Variants in VPS33A observed in about 807,000 individuals in gnomAD.
VPS33A encodes the protein vacuolar protein sorting-associated protein 33A.
VPS33A carries 32 observed loss-of-function variants against 71.8 expected under a neutral mutation model. The observed-to-expected ratio is 0.45, with a 90% CI of 0.34 to 0.60. The LOEUF (loss-of-function observed/expected upper bound fraction) is 0.60, where lower values mean the gene tolerates loss of function less well. Among genes scored for constraint, VPS33A ranks in the 20% least tolerant of loss-of-function variants. The pLI is 0.02. For missense variants in VPS33A, 625 were observed against 748.5 expected, an observed-to-expected ratio of 0.84 and a Z score of 1.92; for synonymous variants, 311 against 292.7, an observed-to-expected ratio of 1.06 and a Z score of -0.64.
chr12:122,259,268 G>A (rs1489853363), intron 4 of VPS33A, among the ~76,000 whole-genome samples: 1 of 151,962 alleles, frequency 6.6e-6, no homozygotes, highest in African/African-American at 2.4e-5. Context: ...TGCCCAGGCT[G>A]GAGTGCAATG....
At chr12:122,246,318 A>C (rs2136134141) in intron 6 of VPS33A, among the ~76,000 whole-genome samples, 1 of 152,056 alleles carries the variant, frequency 6.6e-6, no homozygotes, top group South Asian at 2.1e-4. Context: ...TTATTTATTT[A>C]AGAGGGAGTC....
intron 3 of VPS33A, among the ~76,000 whole-genome samples, chr12:122,261,710 T>C: frequency 6.6e-6 from 1 of 151,572 alleles, no homozygotes; most frequent in South Asian, 2.1e-4. Context: ...CTCTATAAAA[T>C]ATACAAAAAT....
chr12:122,266,099 G>C (rs1015480843), intron 1 of VPS33A, among the ~76,000 whole-genome samples: 1 of 152,156 alleles, frequency 6.6e-6, no homozygotes, highest in Non-Finnish European at 1.5e-5. Flanking sequence ...AAACAGTCGC[G>C]GTGCCACTCC....
chr12:122,244,269 C>T (rs1297170150), intron 7 of VPS33A, among the ~76,000 whole-genome samples: 1 of 152,134 alleles, frequency 6.6e-6, no homozygotes, highest in Non-Finnish European at 1.5e-5. Flanking sequence ...TCCTCTTAGG[C>T]AAGGTAGGAA....
intron 6 of VPS33A, among the ~76,000 whole-genome samples, chr12:122,245,999 T>C (rs1323488509): frequency 6.6e-6 from 1 of 152,188 alleles, no homozygotes; most frequent in Non-Finnish European, 1.5e-5. Context: ...AGCCTTAATC[T>C]CCTTCTCCCT....
In VPS33A at chr12:122,232,066, A is replaced by G. The variant is rs1008747289; in HGVS notation, c.*180T>C. 19 of 603,710 alleles carry G rather than the reference A, an allele frequency of 3.1e-5. No individual in the cohort carries two copies. Among genetic ancestry groups the G allele is most frequent in the Non-Finnish European group, 4.5e-5 (17 of 377,728 alleles). The allele number at this position is 603,710 out of a possible 1,614,324, so 37.4% of individuals were successfully genotyped here. ...AGCAAGACTCCGTCTCAAAGGAAAA[A>G]AAAAAAGGGAATACAAAAGAGACGG... On this transcript the variant is annotated 3_prime_UTR_variant, in exon 13 of 13. Transcript: ENST00000267199.
At position 122,266,460 on chromosome 12, in the gene VPS33A, A is replaced by T; in HGVS notation, c.-52T>A. The T allele has an allele frequency of 6.3e-7, 1 of 1,582,176 alleles. No homozygotes were observed. The highest frequency in any genetic ancestry group is 8.6e-7 in the Non-Finnish European group (1 of 1,157,586). On this transcript the variant is annotated 5_prime_UTR_variant, in exon 1 of 13. Transcript: ENST00000267199. ...ACGCCAACCGAGTCCGCCGGTTCCT[A>T]CGGGAGGACCACGGACGCAGTCACG... is the stretch of plus-strand genomic sequence containing the variant.
At chr12:122,249,760 CG>C (rs1954819837) in intron 6 of VPS33A, 110 bp downstream of exon 6, 16 of 1,081,118 alleles carry the variant, frequency 1.5e-5, no homozygotes, top group Non-Finnish European at 2.1e-5. Flanking sequence ...TCATTAAAAT[CG>C]GATCTCTGAC....
chr12:122,265,783 C>G, intron 1 of VPS33A: 2 of 444,378 alleles, frequency 4.5e-6, no homozygotes, highest in South Asian at 3.1e-5. Flanking sequence ...AATCTCTGAT[C>G]TAGTTCCTGA....
intron 4 of VPS33A, among the ~76,000 whole-genome samples, chr12:122,258,859 T>TA (rs966990650): frequency 6.6e-6 from 1 of 151,652 alleles, no homozygotes; most frequent in African/African-American, 2.4e-5. Context: ...TGCATGCTTG[T>TA]AATCCCATCT....
In VPS33A at chr12:122,242,433, C is replaced by T. The variant is rs1355105655; in HGVS notation, c.1045G>A (p.Gly349Ser). 1 of 1,614,006 alleles carries T rather than the reference C, an allele frequency of 6.2e-7. No individual in the cohort carries two copies. Among genetic ancestry groups the T allele is most frequent in the African/African-American group, 1.3e-5 (1 of 74,914 alleles). The change falls in exon 8 of 13, where the codon GGC (glycine) becomes AGC (serine). Residue 349 changes from glycine to serine, a missense_variant. Transcript: ENST00000267199. ...SQLPHMQAAR[G>S]SLANHTSIAE... Reference sequence around the variant, plus strand: ...ATTGAGGTATGGTTTGCAAGCGAGCCCCTTGCTGCCTGCATGTGGGGCAAC... The same window carrying T: ...ATTGAGGTATGGTTTGCAAGCGAGCTCCTTGCTGCCTGCATGTGGGGCAAC...
At chr12:122,255,054 GA>G (rs35670853) in intron 4 of VPS33A, among the ~76,000 whole-genome samples, 60,317 of 129,676 alleles carry the variant, frequency 0.47, 13,983 homozygotes, top group African/African-American at 0.65. Context: ...CAGTTTCAAG[GA>G]AAAAAAAAAA....
chr12:122,241,572 TG>T (rs2136129445), intron 8 of VPS33A, among the ~76,000 whole-genome samples: 1 of 151,748 alleles, frequency 6.6e-6, no homozygotes, highest in South Asian at 2.1e-4. Context: ...CCCAAAGTGG[TG>T]GGATTACAGA....
chr12:122,239,480 A>C (rs1424512727), intron 9 of VPS33A, among the ~76,000 whole-genome samples: 1 of 152,198 alleles, frequency 6.6e-6, no homozygotes, highest in Non-Finnish European at 1.5e-5. Flanking sequence ...TCACGCCTGT[A>C]ATCCCAACAG....
chr12:122,234,648 C>A lies in VPS33A; in HGVS notation c.1440+1138G>T, dbSNP rs192982537. 1.1e-4 allele frequency among the ~76,000 whole-genome samples: 16 copies of A among 152,298 alleles called. No homozygotes were observed. The East Asian group carries it at 2.9e-3, about 28-fold the overall frequency. ...TCCACTGACTCCTCTAGACACTCTC[C>A]ACCCTTCTCCGCAATGCTCTGTGCC... On this transcript the variant is annotated intron_variant, in intron 11 of 12. Transcript: ENST00000267199.
At chr12:122,241,242 T>G (rs964594486) in intron 8 of VPS33A, 1 of 152,200 alleles carries the variant, frequency 6.6e-6, no homozygotes, top group Non-Finnish European at 1.5e-5. Context: ...TCCAAATATT[T>G]TTCATATAAA....
chr12:122,241,925 C>G (rs1290814437), intron 8 of VPS33A, among the ~76,000 whole-genome samples: 1 of 143,052 alleles, frequency 7.0e-6, no homozygotes, highest in Non-Finnish European at 1.5e-5. Context: ...TTTTGTTTTT[C>G]GAGATGGAGT....
chr12:122,242,319 G>C (rs1269689120), intron 8 of VPS33A, 63 bp downstream of exon 8: 2 of 1,582,018 alleles, frequency 1.3e-6, no homozygotes, highest in East Asian at 2.3e-5. Context: ...TGATGACCTA[G>C]GTGTCAAACG....
At position 122,261,345 on chromosome 12, in the gene VPS33A, G is replaced by A; in HGVS notation, c.399C>T (p.Ser133=). 6.2e-7 allele frequency: 1 copy of A among 1,614,018 alleles called. No individual in the cohort carries two copies. The highest frequency in any genetic ancestry group is 8.5e-7 in the Non-Finnish European group (1 of 1,179,992). ...AGCTGTACTCCTCCCTGTGAATAAA[G>A]GATCCCAAGACACCCAGATCCTTCA... is the stretch of plus-strand genomic sequence containing the variant. The part of the protein sequence containing the change: ...QRLKDLGVLG[S]FIHREEYSLD... The change falls in exon 4 of 13, where the codon TCC becomes TCT. Residue 133 remains serine, a synonymous_variant. Transcript: ENST00000267199.
Sources: allele counts gnomAD v4.1 joint callset (sites outside exome capture counted in the v4.1 genomes callset), GRCh38; gene constraint gnomAD v4.1.1; transcripts MANE v1.5; gene names NCBI Gene and HGNC (gene_info 2026-07-23, HGNC 2026-07-21).